The following SACS variants were observed in gnomAD, a reference collection of about 807,000 sequenced individuals.
The protein encoded by SACS is sacsin molecular chaperone, also known as sacsin.
Under a neutral mutation model 348.0 loss-of-function variants are expected in SACS, and 197 were observed. The ratio of observed to expected loss-of-function variants is 0.57; its 90% CI spans 0.50 to 0.64. The LOEUF (loss-of-function observed/expected upper bound fraction) is 0.64, where lower values mean the gene tolerates loss of function less well. SACS is among the 30% of genes least tolerant of loss of function. SACS has a pLI of 0.00. For synonymous variants in SACS, 1,985 were observed against 1,910.6 expected, an observed-to-expected ratio of 1.04 and a Z score of -1.02; for missense variants, 4,999 against 5,360.8, an observed-to-expected ratio of 0.93 and a Z score of 2.11.
At position 23,363,077 on chromosome 13, in the gene SACS, TTTTGTA is replaced by T. The variant is rs1195447588; in HGVS notation, c.457+2083_457+2088del. Among the ~76,000 whole-genome samples the T allele has an allele frequency of 2.0e-5, 3 of 149,154 alleles. No homozygotes were observed. In the Admixed American group the frequency reaches 2.0e-4, roughly 10 times the overall value. The stretch of plus-strand genomic sequence containing the variant: ...GTGCTCACCACCACGCCCAGATAAT[TTTTGTA>T]TTTGTATTAGAGATGGGGTTTCACC... On this transcript the variant is annotated intron_variant, in intron 6 of 9. Coordinates refer to ENST00000382292, the MANE Select transcript of SACS (RefSeq NM_014363.6).
intron 2 of SACS, among the ~76,000 whole-genome samples, chr13:23,409,990 C>T (rs923081934): frequency 2.6e-5 from 4 of 151,650 alleles, no homozygotes; most frequent in East Asian, 3.9e-4. Context: ...GATGTATAGA[C>T]GAAATTACCA....
rs58921322 is a variant in SACS at position 23,368,076 on chromosome 13, C to CTGGT, written c.345+322_345+325dup. 2.9e-3 allele frequency among the ~76,000 whole-genome samples: 447 copies of CTGGT among 151,980 alleles called. 1 individual carries two copies. The highest frequency in any genetic ancestry group is 5.6e-3 in the African/African-American group (232 of 41,396). ...TTTGGCTGGCCGGTTGGCTGGCTGG[C>CTGGT]TGGTTGGTTGGTTGGTTGGTTGGTT... On this transcript the variant is annotated intron_variant, in intron 5 of 9. Coordinates refer to ENST00000382292, the MANE Select transcript of SACS (RefSeq NM_014363.6).
At chr13:23,398,388 G>A (rs1318275452) in intron 2 of SACS, among the ~76,000 whole-genome samples, 1 of 151,200 alleles carries the variant, frequency 6.6e-6, no homozygotes, top group Non-Finnish European at 1.5e-5. Flanking sequence ...TAAAAAATTA[G>A]CGAGGCGTGG....
chr13:23,353,958 C>A, intron 8 of SACS, 82 bp from the exon 9 acceptor site: 1 of 849,220 alleles, frequency 1.2e-6, no homozygotes, highest in South Asian at 1.4e-5. Context: ...ATTTTCAAGT[C>A]AGTTAAGCCG....
intron 3 of SACS, among the ~76,000 whole-genome samples, chr13:23,374,797 A>C (rs1233039237): frequency 6.6e-6 from 1 of 152,240 alleles, no homozygotes; most frequent in Non-Finnish European, 1.5e-5. Flanking sequence ...TTATTACATA[A>C]ATAGAAATAA....
At chr13:23,416,004 G>A (rs1400859335) in intron 1 of SACS, among the ~76,000 whole-genome samples, 1 of 152,196 alleles carries the variant, frequency 6.6e-6, no homozygotes, top group Non-Finnish European at 1.5e-5. Context: ...AAAAGGCCGG[G>A]CGTGGTGGCT....
rs4068499 is a variant in SACS at position 23,341,780 on chromosome 13, C to CTTT, written c.2186-93_2186-91dup. ...ACAAATAACACAGTACTGGAAGGTT[C>CTTT]TTTTTTTTTTTTTTTTTTTTTTTTT... is the stretch of plus-strand genomic sequence containing the variant. On this transcript the variant is annotated intron_variant, in intron 9 of 9. Coordinates refer to ENST00000382292, the MANE Select transcript of SACS (RefSeq NM_014363.6). 2.2e-3 allele frequency: 661 copies of CTTT among 298,576 alleles called. 6 individuals carry two copies. Among genetic ancestry groups the CTTT allele is most frequent in the South Asian group, 3.4e-3 (130 of 38,680 alleles). The allele number at this position is 298,576 out of a possible 1,614,324, so 18.5% of individuals were successfully genotyped here.
intron 1 of SACS, among the ~76,000 whole-genome samples, chr13:23,430,396 AATT>A (rs570470698): frequency 1.2e-3 from 184 of 152,312 alleles, no homozygotes; most frequent in African/African-American, 4.2e-3. Context: ...AGCAAATAAA[AATT>A]ATAAATATAA....
chr13:23,371,013 A>G (rs1871354288), intron 4 of SACS, 65 bp downstream of exon 4: 1 of 1,105,134 alleles, frequency 9.0e-7, no homozygotes. Flanking sequence ...AAACAAACAA[A>G]CAAAAAAACT....
intron 1 of SACS, among the ~76,000 whole-genome samples, chr13:23,417,717 T>C (rs958675820): frequency 1.3e-5 from 2 of 152,030 alleles, no homozygotes; most frequent in African/African-American, 4.8e-5. Context: ...TCAGGGTAAA[T>C]AAGAATTCCT....
intron 2 of SACS, among the ~76,000 whole-genome samples, chr13:23,398,009 C>T (rs1173333433): frequency 2.7e-5 from 4 of 150,708 alleles, no homozygotes; most frequent in African/African-American, 7.3e-5. Flanking sequence ...CTGACCAACA[C>T]GGAGAAACCC....
At position 23,336,726 on chromosome 13, in the gene SACS, C is replaced by T. The variant is rs762896797; in HGVS notation, c.7150G>A (p.Glu2384Lys). 7.1e-5 allele frequency: 114 copies of T among 1,613,570 alleles called. 1 individual carries two copies. Among genetic ancestry groups the T allele is most frequent in the Middle Eastern group, 4.9e-4 (3 of 6,082 alleles). The change falls in exon 10 of 10, where the codon GAA becomes AAA. Residue 2384 changes from glutamate (E) to lysine (K), a missense_variant. Physicochemically the swap from Glu to Lys is moderately conservative, Grantham distance 56. Coordinates refer to ENST00000382292, the MANE Select transcript of SACS (RefSeq NM_014363.6). ...CTCACACCCACGGTTTCAAAAAGTTCGCGGAAATTATTTTTATACTTATTA... is the reference window on the plus strand; with the variant it reads ...CTCACACCCACGGTTTCAAAAAGTTTGCGGAAATTATTTTTATACTTATTA... ...LPNKYKNNFR[E>K]LFETVGVRQS...
At chr13:23,419,882 T>G (rs1873851790) in intron 1 of SACS, among the ~76,000 whole-genome samples, 1 of 152,232 alleles carries the variant, frequency 6.6e-6, no homozygotes, top group South Asian at 2.1e-4. Flanking sequence ...CACTGAGGAC[T>G]GGTGTGTACC....
chr13:23,329,356 T>A lies in SACS; in HGVS notation c.*780A>T. ...TGTGGAAAATATGTACACACAAACA[T>A]AAAGCAAGTGTTCTAACAGTTAATA... On this transcript the variant is annotated 3_prime_UTR_variant, in exon 10 of 10. Transcript: ENST00000382292. 1 of 697,714 alleles carries A rather than the reference T, an allele frequency of 1.4e-6. No homozygotes were observed. The highest frequency in any genetic ancestry group is 2.6e-6 in the Non-Finnish European group (1 of 384,324). 43.2% of individuals were successfully genotyped at this position (697,714 alleles called of 1,614,324 possible).
At chr13:23,415,181 A>G (rs1449416249) in intron 1 of SACS, among the ~76,000 whole-genome samples, 1 of 151,922 alleles carries the variant, frequency 6.6e-6, no homozygotes, top group Non-Finnish European at 1.5e-5. Context: ...ACAGGCATGC[A>G]CCACTATGCC....
intron 6 of SACS, among the ~76,000 whole-genome samples, chr13:23,359,813 A>G (rs1189183763): frequency 6.6e-6 from 1 of 152,104 alleles, no homozygotes; most frequent in Non-Finnish European, 1.5e-5. Context: ...CTCCATCCAC[A>G]TGAGGTATAT....
chr13:23,360,200 T>C (rs1472341503), intron 6 of SACS, among the ~76,000 whole-genome samples: 1 of 152,172 alleles, frequency 6.6e-6, no homozygotes, highest in Non-Finnish European at 1.5e-5. Context: ...AAACATCAGC[T>C]ATCATTACTG....
Position 23,355,640 on chromosome 13 carries a change from G to C in SACS, c.972C>G (p.Asp324Glu). 1 of 1,614,024 alleles carries C rather than the reference G, an allele frequency of 6.2e-7. No individual in the cohort carries two copies. The highest frequency in any genetic ancestry group is 8.5e-7 in the Non-Finnish European group (1 of 1,180,036). The change falls in exon 8 of 10, where the codon GAC becomes GAG. Residue 324 changes from aspartate to glutamate, a missense_variant. Physicochemically the swap from Asp to Glu is conservative, Grantham distance 45 (BLOSUM62 2). Transcript: ENST00000382292. ...QDVSLYVREADGTEKLVFRVT... is the reference protein window; with the variant it reads ...QDVSLYVREAEGTEKLVFRVT... ...CTCTAAACACCAGTTTCTCTGTTCC[G>C]TCAGCCTCTCGGACATATAAGGAAA... is the stretch of plus-strand genomic sequence containing the variant.
At chr13:23,344,187 G>A (rs974564406) in intron 9 of SACS, among the ~76,000 whole-genome samples, 1 of 151,866 alleles carries the variant, frequency 6.6e-6, no homozygotes, top group African/African-American at 2.4e-5. Flanking sequence ...ACAAAAAAAG[G>A]GTTAGAAATT....
Sources: allele counts gnomAD v4.1 joint callset (sites outside exome capture counted in the v4.1 genomes callset), GRCh38; gene constraint gnomAD v4.1.1; transcripts MANE v1.5; gene names NCBI Gene and HGNC (gene_info 2026-07-23, HGNC 2026-07-21).